Variants in PCDH7 observed in about 807,000 individuals in gnomAD.
PCDH7 encodes the protein protocadherin-7.
PCDH7 carries 17 observed loss-of-function variants against 58.9 expected under a neutral mutation model. The observed-to-expected ratio is 0.29, with a 90% confidence interval of 0.20 to 0.43. The LOEUF (loss-of-function observed/expected upper bound fraction) is 0.43, where lower values mean the gene tolerates loss of function less well. PCDH7 is among the 20% of genes least tolerant of loss of function. The pLI, the probability that PCDH7 is intolerant of heterozygous loss-of-function variation, is 1.00. For missense variants in PCDH7, 1,274 were observed against 1,441.0 expected (o/e 0.88, Z 1.88); for synonymous variants, 664 against 616.4 (o/e 1.08, Z -1.14).
downstream of PCDH7, chr4:31,144,273 C>T (rs957736332): frequency 2.0e-5 from 3 of 152,116 alleles, no homozygotes; most frequent in East Asian, 5.8e-4. Context: ...CAAATCTAGA[C>T]TGAACATGAA....
intron 1 of PCDH7, among the ~76,000 whole-genome samples, chr4:30,880,730 G>T (rs35857516): frequency 0.23 from 35,640 of 151,996 alleles, 4,274 homozygotes; most frequent in Middle Eastern, 0.26. Context: ...CAAGCAAATA[G>T]TTTCCTTTTT....
chr4:30,846,290 T>C (rs975813046), intron 1 of PCDH7, among the ~76,000 whole-genome samples: 1 of 152,048 alleles, frequency 6.6e-6, no homozygotes, highest in African/African-American at 2.4e-5. Context: ...AATGGATTCA[T>C]GTTGCTATCA....
At chr4:30,817,288 A>G (rs1462294982) in intron 1 of PCDH7, among the ~76,000 whole-genome samples, 1 of 152,148 alleles carries the variant, frequency 6.6e-6, no homozygotes, top group African/African-American at 2.4e-5. Flanking sequence ...TCAAGGATAT[A>G]CAGTTTCTGA....
In PCDH7 at chr4:30,764,416, T is replaced by TTAGATACA. The variant is rs570392416; in HGVS notation, c.70+39820_70+39821insTAGATACA. ...AGCCATCCTTGTATCTAACTTTAAG[T>TTAGATACA]AGTGGTTCAGGAATATAGTTTTATA... On this transcript the variant is annotated intron_variant, in intron 1 of 3. Coordinates refer to the PCDH7 transcript ENST00000509759. Among the ~76,000 whole-genome samples the TTAGATACA allele has an allele frequency of 2.5e-3, 379 of 152,272 alleles. 2 individuals are homozygous for TTAGATACA. Among genetic ancestry groups the TTAGATACA allele is most frequent in the African/African-American group, 8.7e-3 (362 of 41,542 alleles).
At chr4:31,116,735 T>C (rs964969932) in intron 3 of PCDH7, among the ~76,000 whole-genome samples, 1 of 152,148 alleles carries the variant, frequency 6.6e-6, no homozygotes, top group African/African-American at 2.4e-5. Flanking sequence ...AAGGTGAGTG[T>C]GAGTGTCAAT....
At position 30,722,282 on chromosome 4, in the gene PCDH7, C is replaced by T. The variant is rs1245260786; in HGVS notation, c.860C>T (p.Pro287Leu). ...CGAGTGCGCGACGGCGGCGACCCGC[C>T]TCGCTCCTCGCAGGCCATCCTACGG... is the stretch of plus-strand genomic sequence containing the variant. The change falls in exon 1 of 2, where the codon CCT becomes CTT. Residue 287 changes from proline (P) to leucine (L), a missense_variant. Around this residue, in one of 3 missense-constraint regions of PCDH7, gnomAD observed 331 missense variants for 303.2 expected, o/e 1.09. Coordinates refer to ENST00000361762, the Ensembl canonical transcript of PCDH7. This position sits in a 1 kb window ranked among gnomAD's most constrained non-coding sequence, Gnocchi z 7.6. 3.7e-6 allele frequency: 6 copies of T among 1,602,596 alleles called. No homozygotes were observed. The African/African-American group carries it at 4.0e-5, about 11-fold the overall frequency.
At chr4:30,873,839 T>A (rs1357338403) in intron 1 of PCDH7, among the ~76,000 whole-genome samples, 1 of 151,958 alleles carries the variant, frequency 6.6e-6, no homozygotes, top group Non-Finnish European at 1.5e-5. Flanking sequence ...TTTTATTTAT[T>A]TTTATTTATT....
At chr4:30,758,875 A>T (rs913561317) in intron 1 of PCDH7, among the ~76,000 whole-genome samples, 9 of 151,278 alleles carry the variant, frequency 5.9e-5, no homozygotes, top group Non-Finnish European at 1.2e-4. Flanking sequence ...GCACATTAAG[A>T]TAGATAATTT....
At chr4:30,861,741 CA>C (rs1384278960) in intron 1 of PCDH7, among the ~76,000 whole-genome samples, 1 of 152,082 alleles carries the variant, frequency 6.6e-6, no homozygotes, top group African/African-American at 2.4e-5. Flanking sequence ...CCTTCATATA[CA>C]GGTACATATC....
chr4:30,960,610 T>C (rs1748321631), intron 3 of PCDH7, among the ~76,000 whole-genome samples: 2 of 152,220 alleles, frequency 1.3e-5, no homozygotes, highest in South Asian at 4.1e-4. Context: ...AAACATCAGA[T>C]TAAAAATTAA....
chr4:30,914,664 G>A lies in PCDH7; in HGVS notation c.71-5489G>A, dbSNP rs556138429. Among the ~76,000 whole-genome samples, 35 of 152,216 alleles carry A rather than the reference G, an allele frequency of 2.3e-4. 1 individual carries two copies. The South Asian group carries it at 7.1e-3, about 31-fold the overall frequency. ...TTTTCTTAAAAAGCATCAAAACAAT[G>A]GGCCATAACTCTAGTTATATAGCTG... is the stretch of plus-strand genomic sequence containing the variant. On this transcript the variant is annotated intron_variant, in intron 1 of 3. Coordinates refer to the PCDH7 transcript ENST00000509759.
chr4:30,920,320 A>C (rs1216663867), exon 2 of PCDH7: 2 of 1,367,476 alleles, frequency 1.5e-6, no homozygotes, highest in Non-Finnish European at 2.0e-6. Context: ...ACAACTATGA[A>C]AGGACCACGC....
intron 3 of PCDH7, among the ~76,000 whole-genome samples, chr4:31,110,861 G>A (rs1716205320): frequency 6.6e-6 from 1 of 151,252 alleles, no homozygotes; most frequent in Non-Finnish European, 1.5e-5. Context: ...CTTGTAGTGA[G>A]CCAAGATTAT....
intron 1 of PCDH7, among the ~76,000 whole-genome samples, chr4:30,817,059 T>A (rs1727776597): frequency 6.6e-6 from 1 of 152,186 alleles, no homozygotes; most frequent in Admixed American, 6.5e-5. Context: ...TATTTGATTA[T>A]TTGGCTATGC....
chr4:30,933,406 T>C (rs1560513526), intron 2 of PCDH7, among the ~76,000 whole-genome samples: 1 of 152,260 alleles, frequency 6.6e-6, no homozygotes, highest in Admixed American at 6.5e-5. Flanking sequence ...AAAAACACAT[T>C]GCTTTTGCTC....
intron 1 of PCDH7, among the ~76,000 whole-genome samples, chr4:30,795,063 A>G (rs1020545232): frequency 6.6e-6 from 1 of 152,188 alleles, no homozygotes; most frequent in Non-Finnish European, 1.5e-5. Context: ...TTTATAAATT[A>G]AAAGGCGAAT....
chr4:30,941,396 G>C (rs1746022014), intron 2 of PCDH7, among the ~76,000 whole-genome samples: 1 of 151,812 alleles, frequency 6.6e-6, no homozygotes, highest in Admixed American at 6.6e-5. Context: ...GTTTTGTATA[G>C]CTTCCGCTAA....
intron 3 of PCDH7, among the ~76,000 whole-genome samples, chr4:31,067,375 A>C (rs955359627): frequency 9.8e-5 from 2 of 20,374 alleles, no homozygotes; most frequent in Admixed American, 5.4e-4. Context: ...TCACTGAGAC[A>C]AAAAAAAAAA....
At chr4:30,782,092 A>G (rs918441441) in intron 1 of PCDH7, among the ~76,000 whole-genome samples, 12 of 152,128 alleles carry the variant, frequency 7.9e-5, no homozygotes, top group Admixed American at 6.5e-4. Flanking sequence ...AATAATTATG[A>G]TAGAATATAT....
Sources: gnomAD v4.1 joint callset for allele counts (sites outside exome capture counted in the v4.1 genomes callset) on GRCh38, gnomAD v4.1.1 for gene constraint, gnomAD v4.1.1 regional missense constraint, Gnocchi (gnomAD v3.1) non-coding constraint, MANE v1.5 for transcripts, NCBI Gene and HGNC (gene_info 2026-07-23, HGNC 2026-07-21) for gene names.